The following LRCH1 variants were observed in gnomAD, a reference collection of about 807,000 sequenced individuals.
The protein encoded by LRCH1 is leucine rich repeats and calponin homology domain containing 1, also known as leucine-rich repeat and calponin homology domain-containing protein 1.
A neutral mutation model predicts 94.9 loss-of-function variants in LRCH1; 23 were observed. The observed-to-expected ratio is 0.24, with a 90% CI of 0.17 to 0.34. LRCH1 has a LOEUF of 0.34. Among genes scored for constraint, LRCH1 ranks in the 10% least tolerant of loss-of-function variants. The pLI, the probability that LRCH1 is intolerant of heterozygous loss-of-function variation, is 1.00. For missense variants in LRCH1, 790 were observed against 945.9 expected, an observed-to-expected ratio of 0.84 and a Z score of 2.16; for synonymous variants, 364 against 354.9, an observed-to-expected ratio of 1.03 and a Z score of -0.29.
chr13:46,581,655 A>G (rs2050366649), intron 1 of LRCH1, among the ~76,000 whole-genome samples: 1 of 152,216 alleles, frequency 6.6e-6, no homozygotes, highest in African/African-American at 2.4e-5. Flanking sequence ...AAATGGACCT[A>G]TCAGGGGTTG....
At chr13:46,641,217 T>A (rs1467510865) in intron 1 of LRCH1, among the ~76,000 whole-genome samples, 1 of 151,978 alleles carries the variant, frequency 6.6e-6, no homozygotes, top group African/African-American at 2.4e-5. Context: ...GATAGAAAGA[T>A]GTAGCTGCGA....
chr13:46,741,837 C>T lies in LRCH1; in HGVS notation c.2281C>T (p.Leu761=). The part of the protein sequence containing the change: ...LVYITYHWNA[L]SA Reference sequence around the variant, plus strand: ...CTATATCACTTACCACTGGAATGCTCTGTCCGCATAATGTCTGCACGTGCA... The same window carrying T: ...CTATATCACTTACCACTGGAATGCTTTGTCCGCATAATGTCTGCACGTGCA... The change falls in exon 20 of 20, where the codon CTG becomes TTG. Residue 761 remains leucine, a synonymous_variant. Transcript: ENST00000389797. 1 of 1,614,082 alleles carries T rather than the reference C, an allele frequency of 6.2e-7. No individual in the cohort carries two copies. The highest frequency in any genetic ancestry group is 8.5e-7 in the Non-Finnish European group (1 of 1,180,030).
At chr13:46,625,955 A>G (rs1438572598) in intron 1 of LRCH1, among the ~76,000 whole-genome samples, 1 of 152,090 alleles carries the variant, frequency 6.6e-6, no homozygotes, top group African/African-American at 2.4e-5. Flanking sequence ...ACCCAGCCAG[A>G]TGTTTGTTGT....
intron 1 of LRCH1, among the ~76,000 whole-genome samples, chr13:46,567,263 AAT>A (rs775356489): frequency 8.5e-5 from 13 of 152,172 alleles, no homozygotes; most frequent in South Asian, 8.3e-4. Context: ...GACATATAAA[AAT>A]ATGTTTTATT....
chr13:46,661,522 A>AT (rs1377128295), intron 2 of LRCH1, among the ~76,000 whole-genome samples: 1 of 152,184 alleles, frequency 6.6e-6, no homozygotes, highest in Non-Finnish European at 1.5e-5. Flanking sequence ...AAGTAAGTGG[A>AT]TTTTTTAGTA....
At chr13:46,752,484 T>C (rs2138267513) in exon 19 of LRCH1, 1 of 152,374 alleles carries the variant, frequency 6.6e-6, no homozygotes. Flanking sequence ...AGCAGTTATT[T>C]CCTATCAGAT....
intron 1 of LRCH1, among the ~76,000 whole-genome samples, chr13:46,573,595 A>G (rs2050264699): frequency 1.3e-5 from 2 of 152,038 alleles, no homozygotes. Flanking sequence ...ATAGAACTGG[A>G]CATCATTATA....
rs773492094 is a variant in LRCH1 at position 46,741,809 on chromosome 13, G to A, written c.2253G>A (p.Leu751=). The A allele has an allele frequency of 1.2e-6, 2 of 1,614,130 alleles. No homozygotes were observed. Among genetic ancestry groups the A allele is most frequent in the Non-Finnish European group, 1.7e-6 (2 of 1,180,024 alleles). The stretch of plus-strand genomic sequence containing the variant: ...TTGTCCATATTCTCTTTATAGTGCT[G>A]GTCTATATCACTTACCACTGGAATG... ...FCLVHILFIV[L]VYITYHWNAL... Residue 751 remains leucine, a synonymous_variant, in exon 20 of 20, where the codon CTG becomes CTA. Transcript: ENST00000389797.
chr13:46,553,990 G>T (rs1220714508), intron 1 of LRCH1, among the ~76,000 whole-genome samples: 1 of 152,236 alleles, frequency 6.6e-6, no homozygotes, highest in Admixed American at 6.5e-5. Flanking sequence ...TGTGGCTGCC[G>T]CGCCAGGGAA....
At chr13:46,652,395 G>GTT (rs57803401) in intron 2 of LRCH1, among the ~76,000 whole-genome samples, 15,426 of 146,516 alleles carry the variant, frequency 0.11, 961 homozygotes, top group Middle Eastern at 0.17. Context: ...TGTTTTTTTT[G>GTT]TTTTTTTTTT....
chr13:46,604,773 T>C (rs2050669605), intron 1 of LRCH1, among the ~76,000 whole-genome samples: 1 of 152,218 alleles, frequency 6.6e-6, no homozygotes, highest in Non-Finnish European at 1.5e-5. Context: ...GTCATTTATC[T>C]CATCACAACA....
rs1338142690 is a variant in LRCH1, at chr13:46,567,543, G to C, written c.307+13840G>C. On this transcript the variant is annotated intron_variant, in intron 1 of 19. Coordinates refer to ENST00000389797, the MANE Select transcript of LRCH1 (RefSeq NM_001164211.2). Reference sequence around the variant, plus strand: ...GTGTGTGTGTTTTCCTGGTGTTTTAGAAAGCCTGGATAAATCCAAGTTAAT... The same window carrying C: ...GTGTGTGTGTTTTCCTGGTGTTTTACAAAGCCTGGATAAATCCAAGTTAAT... Among the ~76,000 whole-genome samples, 3 of 132,186 alleles carry C rather than the reference G, an allele frequency of 2.3e-5. No individual in the cohort carries two copies. In the East Asian group the frequency reaches 6.3e-4, roughly 28 times the overall value. 86.7% of individuals were successfully genotyped at this position (132,186 alleles called of 152,430 possible).
chr13:46,608,798 T>G (rs563245684), intron 1 of LRCH1, among the ~76,000 whole-genome samples: 1 of 152,340 alleles, frequency 6.6e-6, no homozygotes, highest in Admixed American at 6.5e-5. Flanking sequence ...ATAGATTTCT[T>G]TTTCATGTAA....
chr13:46,716,114 A>G (rs1303644177), intron 16 of LRCH1, among the ~76,000 whole-genome samples: 2 of 152,132 alleles, frequency 1.3e-5, no homozygotes, highest in African/African-American at 4.8e-5. Context: ...TGCATTGAAA[A>G]TAATGTTAAC....
intron 1 of LRCH1, among the ~76,000 whole-genome samples, chr13:46,611,665 C>G (rs2050749114): frequency 6.6e-6 from 1 of 152,044 alleles, no homozygotes; most frequent in Non-Finnish European, 1.5e-5. Flanking sequence ...GTGTAAAATA[C>G]ATGCTATATT....
chr13:46,676,124 G>T (rs948340169), intron 3 of LRCH1, among the ~76,000 whole-genome samples: 12 of 152,172 alleles, frequency 7.9e-5, no homozygotes, highest in African/African-American at 1.9e-4. Flanking sequence ...AGCCAGGCAT[G>T]GTGGCATGCA....
chr13:46,634,228 G>A (rs1473899832), intron 1 of LRCH1, among the ~76,000 whole-genome samples: 1 of 152,130 alleles, frequency 6.6e-6, no homozygotes, highest in Non-Finnish European at 1.5e-5. Context: ...ATTCATCCAC[G>A]TCAGAAAGCC....
intron 17 of LRCH1, among the ~76,000 whole-genome samples, chr13:46,728,394 T>C (rs1485052452): frequency 6.6e-6 from 1 of 152,072 alleles, no homozygotes; most frequent in Non-Finnish European, 1.5e-5. Context: ...TTTTGTATTT[T>C]TAGTAGAGAC....
intron 1 of LRCH1, among the ~76,000 whole-genome samples, chr13:46,600,871 C>T (rs145950356): frequency 6.6e-6 from 1 of 152,312 alleles, no homozygotes; most frequent in East Asian, 1.9e-4. Flanking sequence ...GACTGATGGC[C>T]TATTGCTATG....
Sources: allele counts gnomAD v4.1 joint callset (sites outside exome capture counted in the v4.1 genomes callset), GRCh38; gene constraint gnomAD v4.1.1; transcripts MANE v1.5; gene names NCBI Gene and HGNC (gene_info 2026-07-23, HGNC 2026-07-21).